Variants in PCDH15 observed in about 807,000 individuals in gnomAD.
The protein encoded by PCDH15 is protocadherin-15.
A neutral mutation model predicts 178.5 loss-of-function variants in PCDH15; 129 were observed. That is an observed-to-expected ratio of 0.72 (90% CI 0.63 to 0.84). The LOEUF (loss-of-function observed/expected upper bound fraction) is 0.84. Ranked by LOEUF, PCDH15 falls within the 40% of genes least tolerant of loss-of-function variation. The probability of loss-of-function intolerance (pLI) is 0.00; values close to 1 mark genes in which losing one functional copy is unlikely to be tolerated. For synonymous variants in PCDH15, 800 were observed against 732.0 expected (o/e 1.09, Z -1.50); for missense variants, 2,230 against 2,099.9 (o/e 1.06, Z -1.21).
chr10:54,150,392 G>A (rs1452776048), intron 14 of PCDH15, among the ~76,000 whole-genome samples: 2 of 151,674 alleles, frequency 1.3e-5, no homozygotes, highest in Non-Finnish European at 2.9e-5. Flanking sequence ...GTAGTATTGA[G>A]TTATCTGACA....
At chr10:55,142,248 A>C (rs1838374129) in intron 2 of PCDH15, among the ~76,000 whole-genome samples, 1 of 152,148 alleles carries the variant, frequency 6.6e-6, no homozygotes, top group South Asian at 2.1e-4. Context: ...TTATAGAAAA[A>C]AAGAACAAAA....
intron 3 of PCDH15, among the ~76,000 whole-genome samples, chr10:54,841,877 A>G (rs1186121205): frequency 6.6e-6 from 1 of 151,846 alleles, no homozygotes; most frequent in Non-Finnish European, 1.5e-5. Context: ...TTCTTCCTGC[A>G]TATGTGCCTA....
intron 32 of PCDH15, chr10:53,825,110 C>CTATT (rs2076590508): frequency 6.5e-7 from 1 of 1,530,656 alleles, no homozygotes. Context: ...TAACGCTCTT[C>CTATT]TATTAGAGTG....
chr10:54,725,618 T>G (rs115997591), intron 1 of PCDH15, among the ~76,000 whole-genome samples: 17,897 of 143,426 alleles, frequency 0.12, 1,259 homozygotes, highest in African/African-American at 0.17. Flanking sequence ...AATAAAACAC[T>G]GCAACCTCAT....
At chr10:54,921,856 C>T (rs1471800619) in intron 2 of PCDH15, among the ~76,000 whole-genome samples, 1 of 152,066 alleles carries the variant, frequency 6.6e-6, no homozygotes, top group Admixed American at 6.6e-5. Flanking sequence ...GGGGAGGCCT[C>T]GGGAAACTTA....
At chr10:55,050,333 T>C (rs889059346) in intron 2 of PCDH15, among the ~76,000 whole-genome samples, 2 of 151,924 alleles carry the variant, frequency 1.3e-5, no homozygotes, top group Non-Finnish European at 2.9e-5. Context: ...TAATTAGATG[T>C]TTTAATATAA....
intron 2 of PCDH15, among the ~76,000 whole-genome samples, chr10:55,459,785 C>T (rs1388171923): frequency 6.6e-6 from 1 of 151,984 alleles, no homozygotes; most frequent in Admixed American, 6.6e-5. Context: ...TTTAAGAAAT[C>T]TGGAAGACCT....
intron 27 of PCDH15, among the ~76,000 whole-genome samples, chr10:53,865,507 C>T (rs990467586): frequency 6.6e-6 from 1 of 152,104 alleles, no homozygotes; most frequent in Non-Finnish European, 1.5e-5. Flanking sequence ...AAGCCAAGAA[C>T]AGAAAGTTAA....
At chr10:54,746,891 A>T (rs1370941685) in intron 1 of PCDH15, among the ~76,000 whole-genome samples, 1 of 152,242 alleles carries the variant, frequency 6.6e-6, no homozygotes, top group Non-Finnish European at 1.5e-5. Flanking sequence ...AGATGAGAGT[A>T]CAGATGGTCC....
intron 15 of PCDH15, among the ~76,000 whole-genome samples, chr10:54,100,139 G>A (rs532080911): frequency 8.6e-5 from 13 of 151,950 alleles, no homozygotes; most frequent in Non-Finnish European, 1.3e-4. Flanking sequence ...AGCCCAAGGC[G>A]GGCAGATCAC....
In PCDH15 at chr10:53,992,232, C is replaced by T. The variant is rs191077236; in HGVS notation, c.2868+3417G>A. On this transcript the variant is annotated intron_variant, in intron 21 of 37. Transcript: ENST00000644397. The stretch of plus-strand genomic sequence containing the variant: ...TTCACTGTTGAAGCCAGCAAGACCA[C>T]GAACCCACCAGAAGGAAGAAACTCC... 1.4e-3 allele frequency among the ~76,000 whole-genome samples: 216 copies of T among 152,170 alleles called. 2 individuals are homozygous for T. Among genetic ancestry groups the T allele is most frequent in the East Asian group, 9.1e-3 (47 of 5,164 alleles).
chr10:55,256,600 C>T (rs7068916), intron 1 of PCDH15, among the ~76,000 whole-genome samples: 5 of 152,080 alleles, frequency 3.3e-5, no homozygotes, highest in African/African-American at 1.2e-4. Flanking sequence ...CTCGGAGGGT[C>T]CCATGCCCAT....
At position 53,831,359 on chromosome 10, in the gene PCDH15, G is replaced by C. The variant is rs1253422113; in HGVS notation, c.4158C>G (p.Leu1386=). The part of the protein sequence containing the change: ...ALLALAFIII[L]CCIPAILVVL... ...CCACCAAGATGGCAGGAATGCAGCAGAGGATGATGATGAAGGCCAGAGCCA... is the reference window on the plus strand; with the variant it reads ...CCACCAAGATGGCAGGAATGCAGCACAGGATGATGATGAAGGCCAGAGCCA... Residue 1386 remains leucine (L), a synonymous_variant, in exon 30 of 38, where the codon CTC becomes CTG. Transcript: ENST00000644397. The C allele has an allele frequency of 1.9e-6, 3 of 1,614,144 alleles. No homozygotes were observed. In the Admixed American group the frequency reaches 5.0e-5, roughly 27 times the overall value.
At chr10:54,360,926 T>C (rs916708566) in intron 5 of PCDH15, among the ~76,000 whole-genome samples, 22 of 152,148 alleles carry the variant, frequency 1.4e-4, no homozygotes, top group African/African-American at 5.1e-4. Context: ...TTTATTAGTC[T>C]TGCTGTTATA....
At chr10:54,226,126 C>T (rs185830054) in intron 9 of PCDH15, among the ~76,000 whole-genome samples, 10 of 152,142 alleles carry the variant, frequency 6.6e-5, no homozygotes, top group Admixed American at 4.6e-4. Flanking sequence ...AAAGACATAC[C>T]CAAGACTGGG....
At chr10:55,026,793 A>G (rs1840486414) in intron 2 of PCDH15, among the ~76,000 whole-genome samples, 1 of 151,984 alleles carries the variant, frequency 6.6e-6, no homozygotes, top group Admixed American at 6.6e-5. Flanking sequence ...TTTCATTTTC[A>G]GGTATCAAAA....
chr10:55,340,594 C>T (rs191474552), intron 2 of PCDH15, among the ~76,000 whole-genome samples: 125 of 151,950 alleles, frequency 8.2e-4, no homozygotes, highest in African/African-American at 2.2e-3. Flanking sequence ...TCGTGTACAA[C>T]AAATATCTTA....
rs2077008841 is a variant in PCDH15 at position 53,831,436 on chromosome 10, T to G, written c.4081A>C (p.Thr1361Pro). 2 of 1,614,046 alleles carry G rather than the reference T, an allele frequency of 1.2e-6. No individual in the cohort carries two copies. The highest frequency in any genetic ancestry group is 2.2e-5 in the South Asian group (2 of 91,084). The stretch of plus-strand genomic sequence containing the variant: ...CTTTCTCCTCTCTTTTTAATGCTGG[T>G]CACTGCCTCTGGAGTCCGGATCTCC... ...ILEIRTPEAV[T>P]SIKKRGESLG... Residue 1361 changes from threonine to proline, a missense_variant, in exon 30 of 38, where the codon ACC becomes CCC. Thr to Pro is a conservative substitution (Grantham distance 38). Transcript: ENST00000644397.
chr10:55,098,801 C>T (rs112251393), intron 2 of PCDH15, among the ~76,000 whole-genome samples: 27 of 151,820 alleles, frequency 1.8e-4, no homozygotes, highest in African/African-American at 5.8e-4. Context: ...TTTTCACTTT[C>T]GGAAGCGTCT....
Sources: allele counts gnomAD v4.1 joint callset (sites outside exome capture counted in the v4.1 genomes callset), GRCh38; gene constraint gnomAD v4.1.1; transcripts MANE v1.5; gene names NCBI Gene and HGNC (gene_info 2026-07-23, HGNC 2026-07-21).